The following SNX7 variants were observed in gnomAD, a reference collection of about 807,000 sequenced individuals.
The protein encoded by SNX7 is sorting nexin-7.
A neutral mutation model predicts 48.4 loss-of-function variants in SNX7; 35 were observed. That is an observed-to-expected ratio of 0.72 (90% CI 0.55 to 0.96). The LOEUF (loss-of-function observed/expected upper bound fraction) is 0.96. Among genes scored for constraint, SNX7 ranks in the 40% least tolerant of loss-of-function variants. SNX7 has a pLI of 0.00. For missense variants in SNX7, 553 were observed against 548.9 expected (o/e 1.01, Z -0.07); for synonymous variants, 190 against 190.2 (o/e 1.00, Z 0.01).
chr1:98,672,801 G>GTAGTCC (rs1649944421), intron 1 of SNX7, among the ~76,000 whole-genome samples: 4 of 150,720 alleles, frequency 2.7e-5, no homozygotes, highest in Admixed American at 2.0e-4. Flanking sequence ...GCGGGCGCCT[G>GTAGTCC]TAGTCCCAGC....
chr1:98,701,804 T>G lies in SNX7; in HGVS notation c.1039-13T>G. 6.3e-7 allele frequency: 1 copy of G among 1,589,938 alleles called. No individual in the cohort carries two copies. The highest frequency in any genetic ancestry group is 8.6e-7 in the Non-Finnish European group (1 of 1,164,730). ...AAGTACAGCCTATTTTATCTGTGTG[T>G]TTTAATGTAAAGGGTGTTATGAAAA... On this transcript the variant is annotated splice_polypyrimidine_tract_variant and intron_variant, in intron 6 of 8. Coordinates refer to ENST00000306121, the MANE Select transcript of SNX7 (RefSeq NM_015976.5).
intron 7 of SNX7, among the ~76,000 whole-genome samples, chr1:98,708,032 T>C (rs1652100991): frequency 6.6e-6 from 1 of 152,212 alleles, no homozygotes; most frequent in African/African-American, 2.4e-5. Context: ...TAGCAAGCCT[T>C]GCTTGTGATC....
chr1:98,670,745 C>T (rs9661000), intron 1 of SNX7, among the ~76,000 whole-genome samples: 53,723 of 151,910 alleles, frequency 0.35, 10,141 homozygotes, highest in East Asian at 0.55. Flanking sequence ...CAGAACCTGT[C>T]CCCATCATTA....
At chr1:98,663,983 C>T (rs1334477781) in intron 1 of SNX7, among the ~76,000 whole-genome samples, 1 of 152,124 alleles carries the variant, frequency 6.6e-6, no homozygotes, top group Admixed American at 6.5e-5. Context: ...ATTTCTCAAC[C>T]GTTATCTGTA....
intron 7 of SNX7, among the ~76,000 whole-genome samples, chr1:98,703,504 G>A (rs1048066735): frequency 5.9e-5 from 9 of 151,966 alleles, no homozygotes; most frequent in African/African-American, 2.2e-4. Context: ...GTAGGAGAAA[G>A]GAATCTGTGA....
intron 8 of SNX7, among the ~76,000 whole-genome samples, chr1:98,741,179 A>G (rs564184674): frequency 6.6e-6 from 1 of 152,284 alleles, no homozygotes; most frequent in Non-Finnish European, 1.5e-5. Context: ...TATTCCCAAA[A>G]CGGTCTGTTC....
intron 7 of SNX7, among the ~76,000 whole-genome samples, chr1:98,733,574 TCCAAGG>T (rs1653626540): frequency 6.6e-6 from 1 of 152,152 alleles, no homozygotes. Flanking sequence ...CTTCAGAAAC[TCCAAGG>T]TAAACATGCT....
chr1:98,760,036 T>G lies in SNX7; in HGVS notation c.1279-18T>G. On this transcript the variant is annotated intron_variant, in intron 8 of 8. Transcript: ENST00000306121. The stretch of plus-strand genomic sequence containing the variant: ...TAAACTATTGTTGATTGCCTCATGG[T>G]GTGTTTCCATTATTCAGTGCCTTGC... The G allele has an allele frequency of 6.6e-7, 1 of 1,505,898 alleles. No individual in the cohort carries two copies. Among genetic ancestry groups the G allele is most frequent in the Non-Finnish European group, 9.2e-7 (1 of 1,081,612 alleles). The allele number at this position is 1,505,898 out of a possible 1,614,324, so 93.3% of individuals were successfully genotyped here.
At chr1:98,692,181 T>A (rs1453080476) in intron 4 of SNX7, among the ~76,000 whole-genome samples, 1 of 152,112 alleles carries the variant, frequency 6.6e-6, no homozygotes, top group Non-Finnish European at 1.5e-5. Flanking sequence ...AACTGTAACA[T>A]AAACAGTTGG....
chr1:98,666,583 A>G (rs1326143742), intron 1 of SNX7, among the ~76,000 whole-genome samples: 3 of 152,142 alleles, frequency 2.0e-5, no homozygotes, highest in Non-Finnish European at 2.9e-5. Flanking sequence ...ACATAGTACA[A>G]CAATGTGGAG....
chr1:98,758,123 C>T (rs1338887181), intron 8 of SNX7, among the ~76,000 whole-genome samples: 1 of 151,984 alleles, frequency 6.6e-6, no homozygotes, highest in East Asian at 1.9e-4. Flanking sequence ...GTAAGAACTC[C>T]AAAATATTTG....
At chr1:98,668,332 C>T (rs184039751) in intron 1 of SNX7, among the ~76,000 whole-genome samples, 8 of 152,184 alleles carry the variant, frequency 5.3e-5, no homozygotes, top group Non-Finnish European at 1.0e-4. Flanking sequence ...TAAATTTGAA[C>T]TCTCCATGCC....
intron 8 of SNX7, among the ~76,000 whole-genome samples, chr1:98,749,762 C>T (rs1004755337): frequency 3.3e-5 from 5 of 152,008 alleles, no homozygotes; most frequent in African/African-American, 4.8e-5. Flanking sequence ...CCCTATTGCC[C>T]TCATTTTAGG....
chr1:98,671,988 A>G (rs147334929), intron 1 of SNX7, among the ~76,000 whole-genome samples: 194 of 152,340 alleles, frequency 1.3e-3, no homozygotes, highest in African/African-American at 4.5e-3. Context: ...AACCAGAAAC[A>G]AATGGCAAAT....
intron 8 of SNX7, among the ~76,000 whole-genome samples, chr1:98,755,787 TA>T (rs963224192): frequency 1.3e-5 from 2 of 152,048 alleles, no homozygotes; most frequent in African/African-American, 4.8e-5. Context: ...TTAATCCTTT[TA>T]ATTTTAACTA....
chr1:98,745,233 A>AT (rs1055280527), intron 8 of SNX7, among the ~76,000 whole-genome samples: 30 of 151,272 alleles, frequency 2.0e-4, no homozygotes, highest in South Asian at 1.7e-3. Context: ...GTATTGAATC[A>AT]TTTTTTTTTA....
intron 7 of SNX7, among the ~76,000 whole-genome samples, chr1:98,705,172 C>T (rs1311694818): frequency 6.6e-6 from 1 of 152,080 alleles, no homozygotes; most frequent in African/African-American, 2.4e-5. Context: ...CAAAGTGGCT[C>T]CTTCTTAGAG....
chr1:98,689,852 A>G lies in SNX7; in HGVS notation c.364-1223A>G, dbSNP rs527708295. Among the ~76,000 whole-genome samples the G allele has an allele frequency of 1.2e-4, 19 of 152,276 alleles. No individual in the cohort carries two copies. The South Asian group carries it at 1.4e-3, about 12-fold the overall frequency. ...TAGTTTTCCTGTTTTTACCATTTCCATATCATGTACCATGTTGCATAATAG... is the reference window on the plus strand; with the variant it reads ...TAGTTTTCCTGTTTTTACCATTTCCGTATCATGTACCATGTTGCATAATAG... On this transcript the variant is annotated intron_variant, in intron 2 of 8. Transcript: ENST00000306121.
chr1:98,698,082 A>C (rs1570534372), intron 5 of SNX7, among the ~76,000 whole-genome samples: 1 of 152,198 alleles, frequency 6.6e-6, no homozygotes, highest in Non-Finnish European at 1.5e-5. Context: ...AGCTACAAAG[A>C]GTCAATGTTT....
Sources: gnomAD v4.1 joint callset for allele counts (sites outside exome capture counted in the v4.1 genomes callset) on GRCh38, gnomAD v4.1.1 for gene constraint, MANE v1.5 for transcripts, NCBI Gene and HGNC (gene_info 2026-07-23, HGNC 2026-07-21) for gene names.